Variants in ZNF181 observed in about 807,000 individuals in gnomAD.
The protein encoded by ZNF181 is zinc finger protein 181, also known as zinc finger protein 181 (HHZ181).
In ZNF181, 8 loss-of-function variants were observed where a neutral mutation model predicts 11.9. The observed-to-expected ratio is 0.67, with a 90% confidence interval of 0.39 to 1.21. ZNF181 has a LOEUF of 1.21. Ranked by LOEUF, ZNF181 falls within the 50% of genes most tolerant of loss-of-function variation. ZNF181 has a pLI of 0.01. For synonymous variants in ZNF181, 202 were observed against 221.1 expected (o/e 0.91, Z 0.77); for missense variants, 542 against 670.9 (o/e 0.81, Z 2.12).
rs772337748 is a variant in ZNF181 at position 34,739,538 on chromosome 19, C to G, written c.146C>G (p.Thr49Ser). Residue 49 changes from threonine (T) to serine (S), a missense_variant, in exon 3 of 4, where the codon ACT becomes AGT. Coordinates refer to ENST00000492450, the MANE Select transcript of ZNF181 (RefSeq NM_001029997.4). Reference sequence around the variant, plus strand: ...TTCCTGTAAGCAGGTCTTTCTGTAACTAAGCCATATGTGATCACGTTATTG... The same window carrying G: ...TTCCTGTAAGCAGGTCTTTCTGTAAGTAAGCCATATGTGATCACGTTATTG... The part of the protein sequence containing the change: ...NLVSVAGLSV[T>S]KPYVITLLED... The G allele has an allele frequency of 1.2e-6, 2 of 1,614,008 alleles. No homozygotes were observed. The highest frequency in any genetic ancestry group is 1.7e-6 in the Non-Finnish European group (2 of 1,179,968).
chr19:34,738,197 T>G (rs1486458113), intron 1 of ZNF181, among the ~76,000 whole-genome samples: 1 of 152,210 alleles, frequency 6.6e-6, no homozygotes, highest in Admixed American at 6.5e-5. Flanking sequence ...ACAGACTGAG[T>G]AATAGAAATT....
In ZNF181 at chr19:34,741,752, A is replaced by G; in HGVS notation, c.1371A>G (p.Arg457=). The G allele has an allele frequency of 6.2e-7, 1 of 1,614,028 alleles. No individual in the cohort carries two copies. Among genetic ancestry groups the G allele is most frequent in the Middle Eastern group, 1.7e-4 (1 of 6,060 alleles). Residue 457 remains arginine, a synonymous_variant, in exon 4 of 4, where the codon AGA becomes AGG. Coordinates refer to ENST00000492450, the MANE Select transcript of ZNF181 (RefSeq NM_001029997.4). ...ATATGCATTTGAGAAATCACATTAGATTGAAACCCTACGAATGCAGTATAT... is the reference window on the plus strand; with the variant it reads ...ATATGCATTTGAGAAATCACATTAGGTTGAAACCCTACGAATGCAGTATAT... The part of the protein sequence containing the change: ...SLNMHLRNHI[R]LKPYECSICG...
rs1194492920 is a variant in ZNF181 at position 34,736,955 on chromosome 19, T to C, written c.9+1909T>C. ...ATCATAAAGCTATGAGAAATGTTTT[T>C]TTGATTTGGGATAAAGGGAATTAAC... On this transcript the variant is annotated intron_variant, in intron 1 of 3. Coordinates refer to ENST00000492450, the MANE Select transcript of ZNF181 (RefSeq NM_001029997.4). 4.6e-5 allele frequency among the ~76,000 whole-genome samples: 7 copies of C among 152,344 alleles called. No homozygotes were observed. In the East Asian group the frequency reaches 1.3e-3, roughly 29 times the overall value.
Position 34,745,107 on chromosome 19 carries a change from T to C in ZNF181, c.*3010T>C, listed in dbSNP as rs542722647. On this transcript the variant is annotated 3_prime_UTR_variant, in exon 4 of 4. Transcript: ENST00000492450. Reference sequence around the variant, plus strand: ...TTGGGCTGATGTCATAATGATGTTATGATGTCACTGACATCATATTATTTC... The same window carrying C: ...TTGGGCTGATGTCATAATGATGTTACGATGTCACTGACATCATATTATTTC... The C allele has an allele frequency of 4.4e-4, 67 of 152,360 alleles. No individual in the cohort carries two copies. The highest frequency in any genetic ancestry group is 1.5e-3 in the African/African-American group (64 of 41,596). 9.4% of individuals were successfully genotyped at this position (152,360 alleles called of 1,614,324 possible).
intron 1 of ZNF181, chr19:34,736,224 A>G: frequency 1.4e-6 from 1 of 698,266 alleles, no homozygotes; most frequent in Non-Finnish European, 2.6e-6. Context: ...GCAGATGTAC[A>G]TGTTGGGTGA....
intron 1 of ZNF181, among the ~76,000 whole-genome samples, chr19:34,738,597 G>A (rs2068921885): frequency 6.6e-6 from 1 of 150,598 alleles, no homozygotes; most frequent in African/African-American, 2.4e-5. Context: ...AGGCTGGAGT[G>A]CAGTGGCGCA....
At position 34,740,790 on chromosome 19, in the gene ZNF181, C is replaced by T; in HGVS notation, c.409C>T (p.His137Tyr). The T allele has an allele frequency of 1.2e-6, 2 of 1,613,960 alleles. No individual in the cohort carries two copies. Among genetic ancestry groups the T allele is most frequent in the Admixed American group, 1.7e-5 (1 of 59,980 alleles). Residue 137 changes from histidine to tyrosine, a missense_variant, in exon 4 of 4, where the codon CAT (histidine) becomes TAT (tyrosine). Physicochemically the swap from His to Tyr is moderately conservative, Grantham distance 83 (BLOSUM62 2). Coordinates refer to ENST00000492450, the MANE Select transcript of ZNF181 (RefSeq NM_001029997.4). The stretch of plus-strand genomic sequence containing the variant: ...AGGGAAGCATGGAAGTCAGGTAGAC[C>T]ATTTCAGACCAGCAATTCTCACCTC... ...LEGKHGSQVD[H>Y]FRPAILTSRE...
chr19:34,740,985 A>G lies in ZNF181; in HGVS notation c.604A>G (p.Lys202Glu), dbSNP rs1568484624. 6.8e-6 allele frequency: 11 copies of G among 1,614,116 alleles called. No individual in the cohort carries two copies. The highest frequency in any genetic ancestry group is 9.3e-6 in the Non-Finnish European group (11 of 1,179,998). The change falls in exon 4 of 4, where the codon AAA becomes GAA. Residue 202 changes from lysine to glutamate, a missense_variant. Physicochemically the swap from Lys to Glu is moderately conservative, Grantham distance 56. Coordinates refer to ENST00000492450, the MANE Select transcript of ZNF181 (RefSeq NM_001029997.4). Reference sequence around the variant, plus strand: ...AAAAAAGTCAGTTATAAAAAATGAGAAAGTCAATGGTGGAAAGAAACTTTT... The same window carrying G: ...AAAAAAGTCAGTTATAAAAAATGAGGAAGTCAATGGTGGAAAGAAACTTTT... Reference protein sequence around the residue: ...LPKKSVIKNEKVNGGKKLLNS... With the variant: ...LPKKSVIKNEEVNGGKKLLNS...
rs1466528973 is a variant in ZNF181 at position 34,741,609 on chromosome 19, T to G, written c.1228T>G (p.Cys410Gly). 6.2e-7 allele frequency: 1 copy of G among 1,613,968 alleles called. No homozygotes were observed. The highest frequency in any genetic ancestry group is 1.1e-5 in the South Asian group (1 of 91,072). The change falls in exon 4 of 4, where the codon TGT (cysteine) becomes GGT (glycine). Residue 410 changes from cysteine (C) to glycine (G), a missense_variant. Cys to Gly is a radical substitution (Grantham distance 159). Transcript: ENST00000492450. ...TMEKQYECNK[C>G]LKVFSSLSFL... is the part of the protein sequence containing the mutation. ...GGAGAAACAATATGAATGCAACAAA[T>G]GTCTGAAAGTCTTTAGTAGCCTCTC...
chr19:34,736,037 T>G (rs2068883519), intron 1 of ZNF181: 1 of 687,452 alleles, frequency 1.5e-6, no homozygotes, highest in African/African-American at 1.8e-5. Flanking sequence ...CTGTTCCTGG[T>G]GGGAGGAATC....
chr19:34,735,075 G>T, intron 1 of ZNF181, 29 bp downstream of exon 1: 1 of 1,565,518 alleles, frequency 6.4e-7, no homozygotes, highest in African/African-American at 1.4e-5. Flanking sequence ...AAATCTTCCT[G>T]AAACACTTTA....
At position 34,742,923 on chromosome 19, in the gene ZNF181, T is replaced by G. The variant is rs1302035473; in HGVS notation, c.*826T>G. ...AAAAAAAATTTCACTAAGATTAGCCTTAGCGTAGCCTTTAGTGGGAGACTA... is the reference window on the plus strand; with the variant it reads ...AAAAAAAATTTCACTAAGATTAGCCGTAGCGTAGCCTTTAGTGGGAGACTA... On this transcript the variant is annotated 3_prime_UTR_variant, in exon 4 of 4. Coordinates refer to ENST00000492450, the MANE Select transcript of ZNF181 (RefSeq NM_001029997.4). 1.3e-5 allele frequency: 2 copies of G among 152,240 alleles called. No homozygotes were observed. Among genetic ancestry groups the G allele is most frequent in the African/African-American group, 4.8e-5 (2 of 41,458 alleles). 9.4% of individuals were successfully genotyped at this position (152,240 alleles called of 1,614,324 possible). A position where few individuals can be genotyped will look rare whatever the true frequency, so the allele number is the denominator to read the frequency against.
intron 3 of ZNF181, 49 bp from the exon 4 acceptor site, chr19:34,740,562 A>G (rs1335177053): frequency 1.4e-6 from 2 of 1,445,094 alleles, no homozygotes; most frequent in East Asian, 2.3e-5. Flanking sequence ...TTCTTTTCAA[A>G]TAGTTAAAAA....
At position 34,741,490 on chromosome 19, in the gene ZNF181, T is replaced by G. The variant is rs774976070; in HGVS notation, c.1109T>G (p.Ile370Ser). The change falls in exon 4 of 4, where the codon ATC becomes AGC. Residue 370 changes from isoleucine (I) to serine (S), a missense_variant. Transcript: ENST00000492450. Reference protein sequence around the residue: ...HRSSLIHHQKIHTGEKPYECR... With the variant: ...HRSSLIHHQKSHTGEKPYECR... ...TCATCTCTCATTCACCATCAGAAAATCCATACTGGAGAGAAGCCTTATGAA... is the reference window on the plus strand; with the variant it reads ...TCATCTCTCATTCACCATCAGAAAAGCCATACTGGAGAGAAGCCTTATGAA... 17 of 1,613,466 alleles carry G rather than the reference T, an allele frequency of 1.1e-5. No individual in the cohort carries two copies. The highest frequency in any genetic ancestry group is 3.3e-5 in the South Asian group (3 of 91,048).
At position 34,741,564 on chromosome 19, in the gene ZNF181, C is replaced by T; in HGVS notation, c.1183C>T (p.His395Tyr). ...AFCCSSHLTR[H>Y]QRIHTMEKQY... is the part of the protein sequence containing the mutation. ...CTGCTGTAGCTCACACCTTACTCGA[C>T]ATCAAAGAATTCACACTATGGAGAA... Residue 395 changes from histidine to tyrosine, a missense_variant, in exon 4 of 4, where the codon CAT becomes TAT. Physicochemically the swap from His to Tyr is moderately conservative, Grantham distance 83 (BLOSUM62 2). Coordinates refer to ENST00000492450, the MANE Select transcript of ZNF181 (RefSeq NM_001029997.4). 5 of 1,614,034 alleles carry T rather than the reference C, an allele frequency of 3.1e-6. No homozygotes were observed. The South Asian group carries it at 4.4e-5, about 14-fold the overall frequency.
chr19:34,740,541 A>G, intron 3 of ZNF181, 70 bp from the exon 4 acceptor site: 1 of 1,445,786 alleles, frequency 6.9e-7, no homozygotes, highest in Non-Finnish European at 9.3e-7. Context: ...TCCTAATTCC[A>G]ATTTAGAAGT....
intron 1 of ZNF181, among the ~76,000 whole-genome samples, chr19:34,738,605 G>A (rs1408129872): frequency 6.0e-5 from 9 of 150,858 alleles, no homozygotes; most frequent in South Asian, 2.1e-4. Flanking sequence ...GTGCAGTGGC[G>A]CAACCTCCGC....
chr19:34,735,407 A>G lies in ZNF181; in HGVS notation c.9+361A>G, dbSNP rs910752286. Among the ~76,000 whole-genome samples the G allele has an allele frequency of 2.6e-5, 4 of 152,320 alleles. No individual in the cohort carries two copies. The East Asian group carries it at 7.7e-4, about 29-fold the overall frequency. On this transcript the variant is annotated intron_variant, in intron 1 of 3. Transcript: ENST00000492450. Reference sequence around the variant, plus strand: ...CATCCTTGATTCTTCCCTTTGACTTATACCTATATTCAGATCCTCTAGTTG... The same window carrying G: ...CATCCTTGATTCTTCCCTTTGACTTGTACCTATATTCAGATCCTCTAGTTG...
intron 1 of ZNF181, among the ~76,000 whole-genome samples, chr19:34,737,667 A>G (rs2068907096): frequency 1.3e-5 from 2 of 152,160 alleles, no homozygotes; most frequent in Admixed American, 6.5e-5. Context: ...TATCTAAGGC[A>G]GTGGTGCCCA....
Sources: allele counts gnomAD v4.1 joint callset (sites outside exome capture counted in the v4.1 genomes callset), GRCh38; gene constraint gnomAD v4.1.1; transcripts MANE v1.5; gene names NCBI Gene and HGNC (gene_info 2026-07-23, HGNC 2026-07-21).